VPS54: variants seen among roughly 807,000 people sequenced by gnomAD.
The protein encoded by VPS54 is vacuolar protein sorting-associated protein 54.
VPS54 carries 45 observed loss-of-function variants against 121.5 expected under a neutral mutation model. The ratio of observed to expected loss-of-function variants is 0.37; its 90% CI spans 0.29 to 0.47. The LOEUF is 0.47. VPS54 is among the 20% of genes least tolerant of loss of function. The pLI is 0.99. For missense variants in VPS54, 1,090 were observed against 1,131.4 expected (o/e 0.96, Z 0.52); for synonymous variants, 371 against 385.8 (o/e 0.96, Z 0.45).
At chr2:63,958,407 C>G (rs1445965707) in intron 7 of VPS54, among the ~76,000 whole-genome samples, 1 of 152,114 alleles carries the variant, frequency 6.6e-6, no homozygotes. Flanking sequence ...AGAAAAATGG[C>G]AGACAAATAC....
At chr2:63,999,295 C>A (rs1677757571) in intron 1 of VPS54, among the ~76,000 whole-genome samples, 1 of 152,160 alleles carries the variant, frequency 6.6e-6, no homozygotes, top group Admixed American at 6.5e-5. Context: ...CTGATGAAAT[C>A]CCTTGGCTTT....
intron 11 of VPS54, among the ~76,000 whole-genome samples, chr2:63,935,926 G>A (rs1030353638): frequency 4.6e-5 from 7 of 152,104 alleles, no homozygotes; most frequent in African/African-American, 1.7e-4. Context: ...AAAACTCTAA[G>A]TAAAAAATAG....
chr2:63,942,343 A>G (rs1384018047), intron 11 of VPS54, 122 bp downstream of exon 11: 2 of 664,562 alleles, frequency 3.0e-6, no homozygotes, highest in Non-Finnish European at 4.6e-6. Flanking sequence ...GCCTCTTTAG[A>G]AAAATTACAA....
intron 1 of VPS54, among the ~76,000 whole-genome samples, chr2:63,984,918 A>G (rs1402759556): frequency 6.6e-6 from 1 of 152,224 alleles, no homozygotes; most frequent in African/African-American, 2.4e-5. Flanking sequence ...AAAACAGAGA[A>G]GAATAGAAAG....
intron 3 of VPS54, among the ~76,000 whole-genome samples, chr2:63,979,700 AACT>A (rs1484484630): frequency 2.0e-5 from 3 of 152,190 alleles, no homozygotes; most frequent in African/African-American, 7.2e-5. Context: ...ATTCAGTTCA[AACT>A]ACTTTCTGAT....
chr2:63,959,598 C>T (rs1251370844), intron 7 of VPS54, among the ~76,000 whole-genome samples: 2 of 152,142 alleles, frequency 1.3e-5, no homozygotes, highest in Non-Finnish European at 2.9e-5. Context: ...AAATCATAAA[C>T]ATTTTTGGCC....
chr2:63,989,716 G>A (rs750669036), intron 1 of VPS54, among the ~76,000 whole-genome samples: 11 of 152,100 alleles, frequency 7.2e-5, no homozygotes, highest in African/African-American at 1.2e-4. Flanking sequence ...CGGGTCACAC[G>A]GAGTCTAAAA....
intron 22 of VPS54, among the ~76,000 whole-genome samples, chr2:63,895,286 T>G (rs562853200): frequency 2.6e-4 from 40 of 152,280 alleles, no homozygotes; most frequent in African/African-American, 9.4e-4. Context: ...TAAAACCGTC[T>G]CTACTAAAAA....
intron 11 of VPS54, among the ~76,000 whole-genome samples, chr2:63,935,032 A>G (rs946797626): frequency 1.2e-4 from 18 of 152,168 alleles, no homozygotes; most frequent in African/African-American, 4.3e-4. Context: ...AAAATCAACA[A>G]AAGGATCTAA....
intron 20 of VPS54, among the ~76,000 whole-genome samples, chr2:63,903,875 A>G (rs1310338334): frequency 6.6e-6 from 1 of 152,162 alleles, no homozygotes; most frequent in African/African-American, 2.4e-5. Context: ...GAAGACAGCT[A>G]GCAAGATGAC....
intron 20 of VPS54, among the ~76,000 whole-genome samples, chr2:63,910,501 T>C (rs1167228826): frequency 2.6e-5 from 4 of 152,190 alleles, no homozygotes. Flanking sequence ...AAGTTTCAAA[T>C]AGGAGAATAA....
chr2:63,923,859 T>C (rs1352089912), intron 12 of VPS54, among the ~76,000 whole-genome samples: 1 of 152,232 alleles, frequency 6.6e-6, no homozygotes, highest in Non-Finnish European at 1.5e-5. Context: ...TTTTTGCATG[T>C]TCTATATCAG....
At chr2:63,998,069 CT>C (rs1405649237) in intron 1 of VPS54, among the ~76,000 whole-genome samples, 4 of 152,064 alleles carry the variant, frequency 2.6e-5, no homozygotes, top group African/African-American at 7.2e-5. Context: ...GAATTGTCTT[CT>C]TTATTTCCAA....
At chr2:63,991,047 T>C (rs775399822) in intron 1 of VPS54, among the ~76,000 whole-genome samples, 1 of 152,206 alleles carries the variant, frequency 6.6e-6, no homozygotes, top group Non-Finnish European at 1.5e-5. Flanking sequence ...ATCGGACTAA[T>C]AGTATTCTAA....
chr2:63,980,209 A>G (rs1345498255), intron 3 of VPS54, among the ~76,000 whole-genome samples: 2 of 152,108 alleles, frequency 1.3e-5, no homozygotes, highest in African/African-American at 4.8e-5. Context: ...AAATAACATT[A>G]TTTATACATA....
intron 1 of VPS54, among the ~76,000 whole-genome samples, chr2:63,992,524 T>C (rs568434573): frequency 6.6e-5 from 10 of 152,364 alleles, no homozygotes; most frequent in African/African-American, 2.4e-4. Flanking sequence ...CTGATCCTAT[T>C]CCTTTACAAT....
chr2:63,979,160 G>A (rs1056142581), intron 3 of VPS54, among the ~76,000 whole-genome samples: 2 of 151,332 alleles, frequency 1.3e-5, no homozygotes, highest in Non-Finnish European at 2.9e-5. Context: ...TCTTCTCAAA[G>A]AATCAGCTTT....
intron 7 of VPS54, among the ~76,000 whole-genome samples, chr2:63,953,227 G>T (rs1039831500): frequency 6.7e-6 from 1 of 150,140 alleles, no homozygotes; most frequent in Non-Finnish European, 1.5e-5. Flanking sequence ...CACCTCCCAG[G>T]TTCAAGCAAT....
rs17854179 is a variant in VPS54, at chr2:63,962,066, G to A, written c.1002C>T (p.His334=). The part of the protein sequence containing the change: ...EVLQQELQGI[H]SFRHLGSQLC... Reference sequence around the variant, plus strand: ...TTACTTAATGAACATACCGGAAACTGTGAATGCCCTGAAGTTCCTGCTGTA... The same window carrying A: ...TTACTTAATGAACATACCGGAAACTATGAATGCCCTGAAGTTCCTGCTGTA... The change falls in exon 7 of 23, where the codon CAC becomes CAT. Residue 334 remains histidine (H), a synonymous_variant. Coordinates refer to ENST00000272322, the MANE Select transcript of VPS54 (RefSeq NM_016516.3). 4 of 1,563,418 alleles carry A rather than the reference G, an allele frequency of 2.6e-6. No homozygotes were observed. The highest frequency in any genetic ancestry group is 3.5e-6 in the Non-Finnish European group (4 of 1,148,668).
Sources: gnomAD v4.1 joint callset for allele counts (sites outside exome capture counted in the v4.1 genomes callset) on GRCh38, gnomAD v4.1.1 for gene constraint, MANE v1.5 for transcripts, NCBI Gene and HGNC (gene_info 2026-07-23, HGNC 2026-07-21) for gene names.